Variants in ANKS1B observed in about 807,000 individuals in gnomAD.
ANKS1B encodes ankyrin repeat and sterile alpha motif domain containing 1B.
Under a neutral mutation model 148.3 loss-of-function variants are expected in ANKS1B, and 36 were observed. That is an observed-to-expected ratio of 0.24 (90% CI 0.19 to 0.32). ANKS1B has a LOEUF of 0.32. ANKS1B is among the 10% of genes least tolerant of loss of function. The pLI is 1.00. For synonymous variants in ANKS1B, 542 were observed against 560.8 expected, an observed-to-expected ratio of 0.97 and a Z score of 0.47; for missense variants, 1,157 against 1,542.6, an observed-to-expected ratio of 0.75 and a Z score of 4.19.
At chr12:99,530,746 C>T (rs2153088572) in intron 9 of ANKS1B, among the ~76,000 whole-genome samples, 1 of 152,182 alleles carries the variant, frequency 6.6e-6, no homozygotes, top group South Asian at 2.1e-4. Flanking sequence ...CCATAGTGGC[C>T]CACTTGAGAT....
At chr12:99,163,661 A>T (rs866938586) in intron 14 of ANKS1B, among the ~76,000 whole-genome samples, 8 of 152,134 alleles carry the variant, frequency 5.3e-5, no homozygotes, top group African/African-American at 1.9e-4. Context: ...GCAACTACTG[A>T]TCTGTGTCCA....
chr12:98,871,505 G>A (rs1354029089), intron 17 of ANKS1B, among the ~76,000 whole-genome samples: 2 of 152,100 alleles, frequency 1.3e-5, no homozygotes, highest in Admixed American at 6.5e-5. Flanking sequence ...GAAATCAGTG[G>A]TTCAGCTGAA....
At chr12:98,949,211 C>A (rs965619256) in intron 17 of ANKS1B, among the ~76,000 whole-genome samples, 1 of 152,044 alleles carries the variant, frequency 6.6e-6, no homozygotes, top group East Asian at 1.9e-4. Context: ...CTTGGCCTCC[C>A]AAAGTGCTGG....
chr12:98,794,901 A>T, intron 22 of ANKS1B: 1 of 1,550,106 alleles, frequency 6.5e-7, no homozygotes, highest in Non-Finnish European at 8.9e-7. Flanking sequence ...TTGCAGGCAA[A>T]GGGAAGCAGT....
intron 1 of ANKS1B, among the ~76,000 whole-genome samples, chr12:99,920,300 T>A (rs1026359048): frequency 3.3e-5 from 5 of 152,272 alleles, no homozygotes; most frequent in African/African-American, 1.2e-4. Flanking sequence ...TAGGCAAGAC[T>A]CTGTGGTACT....
chr12:99,714,842 C>T (rs2057091111), intron 8 of ANKS1B, among the ~76,000 whole-genome samples: 1 of 151,812 alleles, frequency 6.6e-6, no homozygotes, highest in African/African-American at 2.4e-5. Context: ...ACTACAGGCC[C>T]AGTGCAGTGG....
intron 12 of ANKS1B, among the ~76,000 whole-genome samples, chr12:99,309,481 G>A (rs940992842): frequency 6.6e-6 from 1 of 151,694 alleles, no homozygotes; most frequent in Non-Finnish European, 1.5e-5. Context: ...AGTCATGCTT[G>A]CCAAGGATTT....
At chr12:99,757,893 A>C (rs551754766) in intron 8 of ANKS1B, among the ~76,000 whole-genome samples, 2 of 151,974 alleles carry the variant, frequency 1.3e-5, no homozygotes, top group Non-Finnish European at 2.9e-5. Context: ...AAGTGATGAG[A>C]ACACACAGAC....
intron 12 of ANKS1B, among the ~76,000 whole-genome samples, chr12:99,288,738 A>G (rs1013532400): frequency 1.3e-5 from 2 of 152,090 alleles, no homozygotes; most frequent in Non-Finnish European, 2.9e-5. Context: ...CCTCCTGATA[A>G]CCTCAAATCA....
intron 17 of ANKS1B, among the ~76,000 whole-genome samples, chr12:98,952,060 G>A (rs905081282): frequency 1.3e-5 from 2 of 152,094 alleles, no homozygotes; most frequent in African/African-American, 2.4e-5. Flanking sequence ...TTTTTTCCTG[G>A]TAATCTAAGT....
At chr12:99,602,472 A>G (rs180846303) in intron 9 of ANKS1B, among the ~76,000 whole-genome samples, 191 of 152,222 alleles carry the variant, frequency 1.3e-3, no homozygotes, top group African/African-American at 4.2e-3. Flanking sequence ...CCATAAACTC[A>G]TTCCTGAGTC....
intron 10 of ANKS1B, among the ~76,000 whole-genome samples, chr12:99,476,671 C>T (rs1340636617): frequency 2.6e-5 from 4 of 152,150 alleles, no homozygotes; most frequent in Admixed American, 1.3e-4. Flanking sequence ...TTTGCACTAT[C>T]TTCACTGGAA....
At chr12:99,248,128 C>T (rs190447545) in intron 12 of ANKS1B, among the ~76,000 whole-genome samples, 16 of 152,034 alleles carry the variant, frequency 1.1e-4, no homozygotes, top group African/African-American at 1.7e-4. Flanking sequence ...TGTGATGGAA[C>T]GAGATGGCCA....
intron 1 of ANKS1B, among the ~76,000 whole-genome samples, chr12:99,877,158 TA>T (rs1264961485): frequency 2.6e-5 from 4 of 152,038 alleles, no homozygotes; most frequent in South Asian, 2.1e-4. Context: ...ATTGTAGTTA[TA>T]ATGACTAAGT....
chr12:98,996,629 A>G (rs370728441), intron 17 of ANKS1B, among the ~76,000 whole-genome samples: 1 of 151,954 alleles, frequency 6.6e-6, no homozygotes, highest in Non-Finnish European at 1.5e-5. Flanking sequence ...CCTGGTTAAC[A>G]TGGTGAAACC....
chr12:98,972,479 C>G (rs2099884075), intron 17 of ANKS1B, among the ~76,000 whole-genome samples: 1 of 152,130 alleles, frequency 6.6e-6, no homozygotes, highest in African/African-American at 2.4e-5. Flanking sequence ...ATCATAATCT[C>G]CATTTATCAG....
chr12:99,746,786 C>G (rs1296781087), intron 8 of ANKS1B, among the ~76,000 whole-genome samples: 1 of 152,096 alleles, frequency 6.6e-6, no homozygotes, highest in Non-Finnish European at 1.5e-5. Flanking sequence ...AGCAATCCAG[C>G]CTGCATCTGA....
intron 17 of ANKS1B, among the ~76,000 whole-genome samples, chr12:99,028,222 T>C (rs1053586384): frequency 2.0e-5 from 3 of 152,238 alleles, no homozygotes; most frequent in Admixed American, 2.0e-4. Context: ...GTTAATTATA[T>C]CCTCATACTT....
At chr12:98,933,927 T>A (rs570420470) in intron 17 of ANKS1B, among the ~76,000 whole-genome samples, 1 of 152,090 alleles carries the variant, frequency 6.6e-6, no homozygotes, top group East Asian at 1.9e-4. Flanking sequence ...TGATATATGG[T>A]TTGCAAATAT....
Sources: gnomAD v4.1 joint callset for allele counts (sites outside exome capture counted in the v4.1 genomes callset) on GRCh38, gnomAD v4.1.1 for gene constraint, MANE v1.5 for transcripts, NCBI Gene and HGNC (gene_info 2026-07-23, HGNC 2026-07-21) for gene names.